The following STK4 variants were observed in gnomAD, a reference collection of about 807,000 sequenced individuals.
The protein encoded by STK4 is serine/threonine-protein kinase 4.
In STK4, 30 loss-of-function variants were observed where a neutral mutation model predicts 64.9. The ratio of observed to expected loss-of-function variants is 0.46; its 90% CI spans 0.35 to 0.63. The LOEUF (loss-of-function observed/expected upper bound fraction) is 0.63. Ranked by LOEUF, STK4 falls within the 20% of genes least tolerant of loss-of-function variation. STK4 has a pLI of 0.01. For missense variants in STK4, 466 were observed against 598.5 expected (o/e 0.78, Z 2.31); for synonymous variants, 177 against 199.0 (o/e 0.89, Z 0.93).
Position 45,001,495 on chromosome 20 carries a change from G to A in STK4, c.1147+142G>A, listed in dbSNP as rs563575514. The A allele has an allele frequency of 4.6e-5, 47 of 1,028,144 alleles. No individual in the cohort carries two copies. The African/African-American group carries it at 5.7e-4, about 12-fold the overall frequency. The allele number at this position is 1,028,144 out of a possible 1,614,324, so 63.7% of individuals were successfully genotyped here. ...AGGAGTAGAAAACTTGGAAGTTTGCGATGGGGACAGGAGGTTTGGTGAGGG... is the reference window on the plus strand; with the variant it reads ...AGGAGTAGAAAACTTGGAAGTTTGCAATGGGGACAGGAGGTTTGGTGAGGG... On this transcript the variant is annotated intron_variant, in intron 9 of 10. Transcript: ENST00000372806.
chr20:44,968,166 C>T (rs1464187125), intron 1 of STK4, among the ~76,000 whole-genome samples: 1 of 150,536 alleles, frequency 6.6e-6, no homozygotes, highest in East Asian at 2.0e-4. Context: ...GAGACGGAGT[C>T]TCACTCTGTC....
chr20:45,000,757 A>G (rs375998458), intron 8 of STK4, among the ~76,000 whole-genome samples: 5 of 152,112 alleles, frequency 3.3e-5, no homozygotes, highest in Admixed American at 6.5e-5. Flanking sequence ...CTTTTACTCA[A>G]TTTAACTTTT....
intron 2 of STK4, chr20:44,974,583 G>C (rs1256226611): frequency 6.6e-6 from 1 of 152,276 alleles, no homozygotes. Flanking sequence ...CGATTCCCCT[G>C]CCTCAGCCTC....
chr20:45,072,731 T>C (rs1018530648), intron 10 of STK4, among the ~76,000 whole-genome samples: 2 of 152,222 alleles, frequency 1.3e-5, no homozygotes, highest in Non-Finnish European at 2.9e-5. Flanking sequence ...GAGTAGAATA[T>C]TTTCTTTTTC....
intron 10 of STK4, among the ~76,000 whole-genome samples, chr20:45,056,962 G>A (rs758908340): frequency 2.0e-5 from 3 of 152,216 alleles, no homozygotes; most frequent in Non-Finnish European, 4.4e-5. Context: ...TGGGCAAGCC[G>A]TCGTTTACCT....
chr20:45,044,742 C>T (rs2068667015), intron 10 of STK4, among the ~76,000 whole-genome samples: 1 of 152,154 alleles, frequency 6.6e-6, no homozygotes, highest in Admixed American at 6.5e-5. Flanking sequence ...ACTTGTAACA[C>T]AGACCAGTAG....
intron 10 of STK4, among the ~76,000 whole-genome samples, chr20:45,042,638 C>T (rs2068631559): frequency 6.6e-6 from 1 of 152,114 alleles, no homozygotes; most frequent in Non-Finnish European, 1.5e-5. Context: ...GAATGGAAAG[C>T]ATGTTTCATT....
At chr20:44,992,805 G>A (rs981986249) in intron 5 of STK4, among the ~76,000 whole-genome samples, 5 of 151,770 alleles carry the variant, frequency 3.3e-5, no homozygotes, top group African/African-American at 1.2e-4. Context: ...AGTGATTCTC[G>A]TGCTTCAGCC....
At chr20:45,002,902 ATT>A (rs767515878) in intron 9 of STK4, among the ~76,000 whole-genome samples, 1 of 146,820 alleles carries the variant, frequency 6.8e-6, no homozygotes, top group African/African-American at 2.5e-5. Flanking sequence ...TTTGGGCAAG[ATT>A]TTTTTTTTTT....
intron 9 of STK4, among the ~76,000 whole-genome samples, chr20:45,015,943 C>G (rs2068133749): frequency 6.6e-6 from 1 of 152,088 alleles, no homozygotes. Context: ...TGCTACTTTT[C>G]TTCTTCCTAA....
rs117066251 is a variant in STK4 at position 45,075,534 on chromosome 20, A to G, written c.*358A>G. The G allele has an allele frequency of 1.3e-5, 2 of 159,394 alleles. No individual in the cohort carries two copies. The highest frequency in any genetic ancestry group is 1.8e-4 in the East Asian group (1 of 5,584). 9.9% of individuals were successfully genotyped at this position (159,394 alleles called of 1,614,324 possible). ...GTTCTTTCTGGAAGACTTTTAAAAA[A>G]ATATAAATATGCATATATATATATA... On this transcript the variant is annotated 3_prime_UTR_variant, in exon 11 of 11. Transcript: ENST00000372806.
chr20:45,055,856 C>T (rs1171503025), intron 10 of STK4, among the ~76,000 whole-genome samples: 2 of 151,958 alleles, frequency 1.3e-5, no homozygotes, highest in Non-Finnish European at 2.9e-5. Flanking sequence ...TCTCAGCCTC[C>T]CGAGTAGCTG....
chr20:44,982,695 G>C (rs1361536517), intron 4 of STK4, among the ~76,000 whole-genome samples: 1 of 152,080 alleles, frequency 6.6e-6, no homozygotes, highest in Non-Finnish European at 1.5e-5. Context: ...AGGAGTCATG[G>C]GTTTTAGTTC....
chr20:44,996,237 T>C (rs1038238444), intron 6 of STK4, among the ~76,000 whole-genome samples: 1 of 152,094 alleles, frequency 6.6e-6, no homozygotes, highest in Non-Finnish European at 1.5e-5. Flanking sequence ...GCCCATAGAA[T>C]GCATCTCCAG....
chr20:45,020,955 G>T (rs1189837370), intron 9 of STK4, among the ~76,000 whole-genome samples: 5 of 151,912 alleles, frequency 3.3e-5, no homozygotes, highest in African/African-American at 4.8e-5. Flanking sequence ...GAGACCACAG[G>T]TGCGTGCCAC....
At chr20:45,030,265 C>T (rs1195063059) in intron 10 of STK4, among the ~76,000 whole-genome samples, 1 of 152,026 alleles carries the variant, frequency 6.6e-6, no homozygotes, top group Non-Finnish European at 1.5e-5. Flanking sequence ...GCCACCACAC[C>T]CAGCTAATTT....
intron 4 of STK4, among the ~76,000 whole-genome samples, chr20:44,986,602 G>GAGTGTC (rs745411117): frequency 2.0e-5 from 3 of 152,196 alleles, no homozygotes; most frequent in Non-Finnish European, 2.9e-5. Context: ...ATACATTGTA[G>GAGTGTC]AGTGTCAAGA....
rs1980746122 is a variant in STK4 at position 45,079,238 on chromosome 20, A to T, written c.*4062A>T. 2.0e-5 allele frequency: 3 copies of T among 152,144 alleles called. No individual in the cohort carries two copies. The highest frequency in any genetic ancestry group is 2.9e-5 in the Non-Finnish European group (2 of 68,030). 9.4% of individuals were successfully genotyped at this position (152,144 alleles called of 1,614,324 possible). On this transcript the variant is annotated 3_prime_UTR_variant, in exon 11 of 11. Transcript: ENST00000372806. ...CTCAAAAAAAAAGAAGAAGTAGATA[A>T]TCTGAATAGCCCTATATCTATAGAA...
Position 45,075,198 on chromosome 20 carries a change from C to A in STK4, c.*22C>A. 6.2e-7 allele frequency: 1 copy of A among 1,609,866 alleles called. No individual in the cohort carries two copies. Among genetic ancestry groups the A allele is most frequent in the Non-Finnish European group, 8.5e-7 (1 of 1,179,088 alleles). ...CTGAGCAAGGCCAGGCTGTGAGGGC[C>A]CCAGCTCCACCCAGGCTTTGGGTGA... On this transcript the variant is annotated 3_prime_UTR_variant, in exon 11 of 11. Coordinates refer to ENST00000372806, the MANE Select transcript of STK4 (RefSeq NM_006282.5).
Sources: gnomAD v4.1 joint callset for allele counts (sites outside exome capture counted in the v4.1 genomes callset) on GRCh38, gnomAD v4.1.1 for gene constraint, MANE v1.5 for transcripts, NCBI Gene and HGNC (gene_info 2026-07-23, HGNC 2026-07-21) for gene names.